ERICH6B: variants seen among roughly 807,000 people sequenced by gnomAD.
The protein encoded by ERICH6B is glutamate-rich protein 6B.
In ERICH6B, 69 loss-of-function variants were observed where a neutral mutation model predicts 80.0. The ratio of observed to expected loss-of-function variants is 0.86; its 90% CI spans 0.71 to 1.05. The LOEUF (loss-of-function observed/expected upper bound fraction) is 1.05, where lower values mean the gene tolerates loss of function less well. ERICH6B is among the 50% of genes least tolerant of loss of function. The pLI, the probability that ERICH6B is intolerant of heterozygous loss-of-function variation, is 0.00. For synonymous variants in ERICH6B, 283 were observed against 291.9 expected, an observed-to-expected ratio of 0.97 and a Z score of 0.31; for missense variants, 754 against 796.1, an observed-to-expected ratio of 0.95 and a Z score of 0.64.
At position 45,568,279 on chromosome 13, in the gene ERICH6B, C is replaced by A. The variant is rs530333849; in HGVS notation, c.1187+36G>T. 4 of 1,506,738 alleles carry A rather than the reference C, an allele frequency of 2.7e-6. No homozygotes were observed. The East Asian group carries it at 1.0e-4, about 38-fold the overall frequency. The allele number at this position is 1,506,738 out of a possible 1,614,324, so 93.3% of individuals were successfully genotyped here. On this transcript the variant is annotated intron_variant, in intron 9 of 14. Transcript: ENST00000298738. Reference sequence around the variant, plus strand: ...GCTGCCACCTCTGGCATACCCAAATCCACTGACCAATCACTTGGCCTCACC... The same window carrying A: ...GCTGCCACCTCTGGCATACCCAAATACACTGACCAATCACTTGGCCTCACC...
At chr13:45,549,181 G>A (rs1204695299) in intron 13 of ERICH6B, among the ~76,000 whole-genome samples, 3 of 151,966 alleles carry the variant, frequency 2.0e-5, no homozygotes, top group African/African-American at 7.3e-5. Flanking sequence ...CTACTCGAGA[G>A]GTTAAGGCAG....
chr13:45,603,143 C>T (rs2138031052), intron 2 of ERICH6B, among the ~76,000 whole-genome samples: 1 of 152,228 alleles, frequency 6.6e-6, no homozygotes, highest in East Asian at 1.9e-4. Context: ...TGTCCCAGAC[C>T]AAGAAGAATG....
intron 14 of ERICH6B, 37 bp downstream of exon 14, chr13:45,544,723 C>A (rs1225223815): frequency 6.5e-7 from 1 of 1,539,690 alleles, no homozygotes; most frequent in African/African-American, 1.4e-5. Flanking sequence ...AGGTGGGCAC[C>A]CCACCTGGTG....
At chr13:45,600,896 A>G (rs940213812) in intron 2 of ERICH6B, among the ~76,000 whole-genome samples, 1 of 152,080 alleles carries the variant, frequency 6.6e-6, no homozygotes, top group South Asian at 2.1e-4. Flanking sequence ...TGGTAGTTCT[A>G]TAAGTCCAGT....
chr13:45,583,103 C>G (rs979528361), intron 5 of ERICH6B, among the ~76,000 whole-genome samples: 5 of 152,226 alleles, frequency 3.3e-5, no homozygotes, highest in African/African-American at 4.8e-5. Context: ...GATTTCTTTT[C>G]ACCAATCTTT....
intron 11 of ERICH6B, among the ~76,000 whole-genome samples, chr13:45,557,127 C>T (rs1034264173): frequency 1.3e-5 from 2 of 152,108 alleles, no homozygotes; most frequent in African/African-American, 4.8e-5. Flanking sequence ...TGATTATGGC[C>T]CATTCTTGCA....
At chr13:45,585,436 T>G (rs1875860308) in intron 5 of ERICH6B, among the ~76,000 whole-genome samples, 1 of 152,208 alleles carries the variant, frequency 6.6e-6, no homozygotes, top group Non-Finnish European at 1.5e-5. Context: ...ATCATATACC[T>G]GTTGCCACCA....
chr13:45,565,620 T>C (rs906650458), intron 9 of ERICH6B, among the ~76,000 whole-genome samples: 2 of 152,210 alleles, frequency 1.3e-5, no homozygotes, highest in African/African-American at 4.8e-5. Flanking sequence ...TGAATGTTAT[T>C]GAATTTCTCT....
At chr13:45,566,050 G>A (rs139407176) in intron 9 of ERICH6B, among the ~76,000 whole-genome samples, 1 of 152,342 alleles carries the variant, frequency 6.6e-6, no homozygotes, top group Non-Finnish European at 1.5e-5. Flanking sequence ...TGGAGCAAAG[G>A]TGAGCCTTTT....
chr13:45,548,499 G>A (rs1370945763), intron 13 of ERICH6B, among the ~76,000 whole-genome samples: 1 of 152,236 alleles, frequency 6.6e-6, no homozygotes, highest in African/African-American at 2.4e-5. Flanking sequence ...GAAGGAATCA[G>A]TTTGCGGGTA....
chr13:45,615,247 C>T (rs778556202), intron 1 of ERICH6B, among the ~76,000 whole-genome samples: 28 of 152,246 alleles, frequency 1.8e-4, no homozygotes, highest in African/African-American at 3.9e-4. Context: ...CCACAGGAGT[C>T]GCTTCGTGGG....
At chr13:45,561,156 C>T (rs181724495) in intron 11 of ERICH6B, among the ~76,000 whole-genome samples, 1 of 152,238 alleles carries the variant, frequency 6.6e-6, no homozygotes. Flanking sequence ...TAATAGAGAC[C>T]CTGCAGGCAG....
chr13:45,550,139 A>G, intron 12 of ERICH6B, 92 bp downstream of exon 12: 3 of 1,532,192 alleles, frequency 2.0e-6, no homozygotes, highest in Non-Finnish European at 2.6e-6. Context: ...CAAACCCCAC[A>G]CCTCAGTCAA....
intron 2 of ERICH6B, among the ~76,000 whole-genome samples, chr13:45,604,462 G>C (rs563839398): frequency 2.6e-5 from 4 of 152,256 alleles, no homozygotes; most frequent in Admixed American, 2.6e-4. Context: ...GTTCTGTGTG[G>C]CCAGAACTCT....
chr13:45,565,945 T>C (rs899109975), intron 9 of ERICH6B, among the ~76,000 whole-genome samples: 1 of 152,200 alleles, frequency 6.6e-6, no homozygotes, highest in Non-Finnish European at 1.5e-5. Flanking sequence ...AGTTTGGAAC[T>C]TCCTAGAGAC....
chr13:45,594,678 A>G (rs1186188706), intron 3 of ERICH6B, among the ~76,000 whole-genome samples: 1 of 152,216 alleles, frequency 6.6e-6, no homozygotes, highest in African/African-American at 2.4e-5. Flanking sequence ...ACATAAAGGT[A>G]AAATGTCTGT....
chr13:45,568,393 T>C lies in ERICH6B; in HGVS notation c.1109A>G (p.His370Arg), dbSNP rs888306477. ...GTCAAAATCCTCTTCCAGTTCATTG[T>C]GAGCAGCCATTTCTTTGATTATTGT... ...FKTIIKEMAA[H>R]NELEEDFDIP... Residue 370 changes from histidine (H) to arginine (R), a missense_variant, in exon 9 of 15, where the codon CAC (histidine) becomes CGC (arginine). Coordinates refer to ENST00000298738, the MANE Select transcript of ERICH6B (RefSeq NM_182542.3). 8 of 1,549,720 alleles carry C rather than the reference T, an allele frequency of 5.2e-6. No individual in the cohort carries two copies. The highest frequency in any genetic ancestry group is 7.0e-6 in the Non-Finnish European group (8 of 1,146,348).
Position 45,609,910 on chromosome 13 carries a change from C to T in ERICH6B, c.-110-2295G>A, listed in dbSNP as rs139325651. ...AAGGAGATCTGATCTGGCCAACCTT[C>T]GTCTTGCCTTTGGCCTTCAAGATGC... On this transcript the variant is annotated intron_variant, in intron 1 of 14. Coordinates refer to ENST00000298738, the MANE Select transcript of ERICH6B (RefSeq NM_182542.3). Among the ~76,000 whole-genome samples the T allele has an allele frequency of 3.9e-3, 592 of 152,346 alleles. 3 individuals carry two copies. The highest frequency in any genetic ancestry group is 6.9e-3 in the Non-Finnish European group (468 of 68,030).
At chr13:45,603,257 C>T (rs961748393) in intron 2 of ERICH6B, among the ~76,000 whole-genome samples, 6 of 152,218 alleles carry the variant, frequency 3.9e-5, no homozygotes, top group African/African-American at 1.4e-4. Context: ...TTACCTACTC[C>T]ACCAGTTCCA....
Sources: gnomAD v4.1 joint callset for allele counts (sites outside exome capture counted in the v4.1 genomes callset) on GRCh38, gnomAD v4.1.1 for gene constraint, MANE v1.5 for transcripts, NCBI Gene and HGNC (gene_info 2026-07-23, HGNC 2026-07-21) for gene names.